CNOT1: variants seen among roughly 807,000 people sequenced by gnomAD.
CNOT1 encodes the protein CCR4-NOT transcription complex subunit 1.
CNOT1 carries 15 observed loss-of-function variants against 273.8 expected under a neutral mutation model. The observed-to-expected ratio is 0.05, with a 90% CI of 0.04 to 0.08. CNOT1 has a LOEUF of 0.08. Ranked by LOEUF, CNOT1 falls within the 10% of genes least tolerant of loss-of-function variation. The pLI, the probability that CNOT1 is intolerant of heterozygous loss-of-function variation, is 1.00. For synonymous variants in CNOT1, 1,022 were observed against 1,005.5 expected (o/e 1.02, Z -0.31); for missense variants, 1,644 against 2,912.2 (o/e 0.56, Z 10.02).
At chr16:58,590,601 A>AAG (rs2042018927) in intron 2 of CNOT1, among the ~76,000 whole-genome samples, 1 of 152,048 alleles carries the variant, frequency 6.6e-6, no homozygotes, top group African/African-American at 2.4e-5. Flanking sequence ...TCTCCAAAAA[A>AAG]AAAAAAATAG....
chr16:58,584,537 G>A (rs1413790332), intron 8 of CNOT1, among the ~76,000 whole-genome samples: 2 of 152,014 alleles, frequency 1.3e-5, no homozygotes, highest in African/African-American at 2.4e-5. Flanking sequence ...TCACCATGTT[G>A]GTCAGGCTGG....
At chr16:58,523,333 C>G in intron 47 of CNOT1, 37 bp downstream of exon 47, 1 of 1,539,430 alleles carries the variant, frequency 6.5e-7, no homozygotes, top group Non-Finnish European at 8.8e-7. Flanking sequence ...GGGAGGAGAT[C>G]CTTTTGAAGC....
chr16:58,560,474 C>A, intron 16 of CNOT1, 112 bp from the exon 17 acceptor site: 1 of 1,464,482 alleles, frequency 6.8e-7, no homozygotes, highest in South Asian at 1.4e-5. Context: ...ACTCTGTCAC[C>A]CAGACTGGAG....
intron 1 of CNOT1, among the ~76,000 whole-genome samples, chr16:58,626,048 A>AGGGTCATTAAAGAAAT (rs1474698183): frequency 6.6e-6 from 1 of 152,184 alleles, no homozygotes; most frequent in African/African-American, 2.4e-5. Context: ...GTTTGGTCAG[A>AGGGTCATTAAAGAAAT]GGGTCATTAA....
rs201700683 is a variant in CNOT1, at chr16:58,586,555, C to T, written c.627G>A (p.Thr209=). ...CAAAGACTCCCTTACCTCTGCGCAG[C>T]GTCTTAAGAAAAGCGTCTATCTGTT... ...GQEQIDAFLK[T]LRRDFPQERC... is the part of the protein sequence containing the mutation. The change falls in exon 7 of 49, where the codon ACG becomes ACA. Residue 209 remains threonine (T), a synonymous_variant. Coordinates refer to ENST00000317147, the MANE Select transcript of CNOT1 (RefSeq NM_016284.5). 4.3e-6 allele frequency: 7 copies of T among 1,610,446 alleles called. No homozygotes were observed. Among genetic ancestry groups the T allele is most frequent in the South Asian group, 2.2e-5 (2 of 90,924 alleles).
chr16:58,544,448 A>T (rs191774154), intron 30 of CNOT1, among the ~76,000 whole-genome samples: 1 of 37,030 alleles, frequency 2.7e-5, no homozygotes, highest in African/African-American at 1.3e-4. Flanking sequence ...TTGTTGAATT[A>T]AAAAAAAAAA....
At chr16:58,592,875 T>C (rs746132876) in intron 2 of CNOT1, among the ~76,000 whole-genome samples, 1 of 152,134 alleles carries the variant, frequency 6.6e-6, no homozygotes, top group Non-Finnish European at 1.5e-5. Context: ...ATCATTTAAA[T>C]ATCTGTGATT....
chr16:58,525,185 T>A lies in CNOT1; in HGVS notation c.6778A>T (p.Thr2260Ser). Residue 2260 changes from threonine (T) to serine (S), a missense_variant, in exon 46 of 49, where the codon ACT becomes TCT. Physicochemically the swap from Thr to Ser is moderately conservative, Grantham distance 58. Coordinates refer to ENST00000317147, the MANE Select transcript of CNOT1 (RefSeq NM_016284.5). ...ACTGGCAGGCTTCACTCACCCTCAGTGTCCAAGTCCACAGCCAAATTCTGG... is the reference window on the plus strand; with the variant it reads ...ACTGGCAGGCTTCACTCACCCTCAGAGTCCAAGTCCACAGCCAAATTCTGG... Reference protein sequence around the residue: ...IFQNLAVDLDTEGRYLFLNAI... With the variant: ...IFQNLAVDLDSEGRYLFLNAI... The A allele has an allele frequency of 3.1e-6, 5 of 1,613,228 alleles. No homozygotes were observed. The highest frequency in any genetic ancestry group is 4.2e-6 in the Non-Finnish European group (5 of 1,179,988).
At chr16:58,538,977 C>A in intron 35 of CNOT1, 63 bp from the exon 36 acceptor site, 1 of 1,571,754 alleles carries the variant, frequency 6.4e-7, no homozygotes, top group Non-Finnish European at 8.6e-7. Flanking sequence ...ACTATCACAG[C>A]CAGAAACCAA....
At chr16:58,533,855 C>A (rs2039851373) in intron 40 of CNOT1, among the ~76,000 whole-genome samples, 1 of 152,024 alleles carries the variant, frequency 6.6e-6, no homozygotes, top group Admixed American at 6.5e-5. Flanking sequence ...TGTGGCCAGG[C>A]ATGGTGGTTC....
intron 17 of CNOT1, 77 bp from the exon 18 acceptor site, chr16:58,558,751 C>T (rs960553483): frequency 3.3e-6 from 5 of 1,537,910 alleles, no homozygotes; most frequent in South Asian, 1.2e-5. Context: ...TCTTTAACAA[C>T]AGCTCTTCAT....
chr16:58,621,503 C>T (rs1382004653), intron 1 of CNOT1, among the ~76,000 whole-genome samples: 2 of 151,004 alleles, frequency 1.3e-5, no homozygotes, highest in Admixed American at 6.6e-5. Context: ...AAACTCCCGA[C>T]CTCAGGTGAT....
intron 21 of CNOT1, among the ~76,000 whole-genome samples, chr16:58,554,828 T>C (rs1231339457): frequency 6.7e-6 from 1 of 149,816 alleles, no homozygotes; most frequent in East Asian, 2.0e-4. Context: ...CCCAGCTACT[T>C]GAGAGGCTGA....
intron 2 of CNOT1, among the ~76,000 whole-genome samples, chr16:58,594,606 C>A (rs1463661824): frequency 6.7e-6 from 1 of 150,334 alleles, no homozygotes; most frequent in African/African-American, 2.5e-5. Flanking sequence ...AAGTTTGAGA[C>A]CAACCTGACC....
intron 24 of CNOT1, among the ~76,000 whole-genome samples, chr16:58,550,109 G>A (rs2040402728): frequency 6.6e-6 from 1 of 152,216 alleles, no homozygotes; most frequent in African/African-American, 2.4e-5. Context: ...GATTGGGACT[G>A]AAACATCTAT....
rs1767996636 is a variant in CNOT1 at position 58,523,499 on chromosome 16, C to T, written c.6788G>A (p.Arg2263His). The change falls in exon 47 of 49, where the codon CGC becomes CAC. Residue 2263 changes from arginine to histidine, a missense_variant. Coordinates refer to ENST00000317147, the MANE Select transcript of CNOT1 (RefSeq NM_016284.5). ...TGCAATTGCATTCAAAAAGAGATAG[C>T]GACCTAGAAATTAAGAAACCTTGAC... is the stretch of plus-strand genomic sequence containing the variant. ...NLAVDLDTEG[R>H]YLFLNAIANQ... 6.2e-7 allele frequency: 1 copy of T among 1,613,400 alleles called. No homozygotes were observed. Among genetic ancestry groups the T allele is most frequent in the South Asian group, 1.1e-5 (1 of 91,016 alleles).
At chr16:58,610,328 G>A (rs2042850716) in intron 1 of CNOT1, among the ~76,000 whole-genome samples, 1 of 152,104 alleles carries the variant, frequency 6.6e-6, no homozygotes, top group African/African-American at 2.4e-5. Flanking sequence ...TCGCTTAAAC[G>A]CAGGAGGTGG....
At chr16:58,541,752 G>T in intron 33 of CNOT1, 132 bp from the exon 34 acceptor site, 2 of 797,808 alleles carry the variant, frequency 2.5e-6, no homozygotes, top group Non-Finnish European at 4.0e-6. Flanking sequence ...GCATGATTAA[G>T]CATGCACGCA....
chr16:58,600,038 T>C (rs1379627654), intron 1 of CNOT1, among the ~76,000 whole-genome samples: 7 of 151,668 alleles, frequency 4.6e-5, no homozygotes, highest in African/African-American at 1.7e-4. Flanking sequence ...ACTCCAGCTC[T>C]GGGCAACAGA....
Sources: gnomAD v4.1 joint callset for allele counts (sites outside exome capture counted in the v4.1 genomes callset) on GRCh38, gnomAD v4.1.1 for gene constraint, MANE v1.5 for transcripts, NCBI Gene and HGNC (gene_info 2026-07-23, HGNC 2026-07-21) for gene names.